Variants in CACNA1H observed in about 807,000 individuals in gnomAD.
The protein encoded by CACNA1H is calcium voltage-gated channel subunit alpha1 H.
CACNA1H carries 149 observed loss-of-function variants against 192.5 expected under a neutral mutation model. That is an observed-to-expected ratio of 0.77 (90% CI 0.68 to 0.89). CACNA1H has a LOEUF of 0.89. Ranked by LOEUF, CACNA1H falls within the 40% of genes least tolerant of loss-of-function variation. CACNA1H has a pLI of 0.00. For synonymous variants in CACNA1H, 2,202 were observed against 1,475.2 expected (o/e 1.49, Z -11.29); for missense variants, 4,257 against 3,423.5 (o/e 1.24, Z -6.08).
At chr16:1,191,482 T>A (rs1397553734) in intron 2 of CACNA1H, among the ~76,000 whole-genome samples, 1 of 67,378 alleles carries the variant, frequency 1.5e-5, no homozygotes, top group Non-Finnish European at 2.8e-5. Context: ...CCTGGCTGTG[T>A]GGCCTCAGGC....
rs183442837 is a variant in CACNA1H at position 1,221,344 on chromosome 16, C to T, written c.*350C>T. On this transcript the variant is annotated 3_prime_UTR_variant, in exon 35 of 35. Transcript: ENST00000348261. Reference sequence around the variant, plus strand: ...GTACCAGGTTGCGTCCTTTCAGGCCCCGCGTTGTTACAGGACACTCGCTGG... The same window carrying T: ...GTACCAGGTTGCGTCCTTTCAGGCCTCGCGTTGTTACAGGACACTCGCTGG... 96 of 346,972 alleles carry T rather than the reference C, an allele frequency of 2.8e-4. No homozygotes were observed. The highest frequency in any genetic ancestry group is 4.4e-4 in the Non-Finnish European group (85 of 191,892). 21.5% of individuals were successfully genotyped at this position (346,972 alleles called of 1,614,324 possible). A position where few individuals can be genotyped will look rare whatever the true frequency, so the allele number is the denominator to read the frequency against.
At chr16:1,215,179 A>C in intron 28 of CACNA1H, 63 bp from the exon 29 acceptor site, 1 of 1,580,912 alleles carries the variant, frequency 6.3e-7, no homozygotes, top group Non-Finnish European at 8.6e-7. Flanking sequence ...AGGTCTGCAG[A>C]AGCAACGCTG....
intron 2 of CACNA1H, among the ~76,000 whole-genome samples, chr16:1,164,768 CTGG>C (rs1178885273): frequency 1.3e-5 from 2 of 152,202 alleles, no homozygotes; most frequent in Admixed American, 1.3e-4. Context: ...GAGCTGGGGT[CTGG>C]TGGTGCTGCC....
At position 1,220,259 on chromosome 16, in the gene CACNA1H, C is replaced by T. The variant is rs777082647; in HGVS notation, c.6327C>T (p.Cys2109=). 52 of 1,586,506 alleles carry T rather than the reference C, an allele frequency of 3.3e-5. No individual in the cohort carries two copies. Among genetic ancestry groups the T allele is most frequent in the Non-Finnish European group, 4.3e-5 (50 of 1,172,654 alleles). ...EEVSHITSSA[C]PWQPTAEPHG... ...TCAGCCACATCACCAGCTCCGCCTG[C>T]CCCTGGCAGCCCACAGCCGAGCCCC... is the stretch of plus-strand genomic sequence containing the variant. Residue 2109 remains cysteine, a synonymous_variant, in exon 35 of 35, where the codon TGC becomes TGT. Coordinates refer to ENST00000348261, the MANE Select transcript of CACNA1H (RefSeq NM_021098.3).
In CACNA1H at chr16:1,218,602, C is replaced by T. The variant is rs1333412757; in HGVS notation, c.5838C>T (p.Arg1946=). 1.9e-6 allele frequency: 3 copies of T among 1,565,358 alleles called. No individual in the cohort carries two copies. Among genetic ancestry groups the T allele is most frequent in the South Asian group, 1.2e-5 (1 of 85,080 alleles). Residue 1946 remains arginine (R), a synonymous_variant, in exon 33 of 35, where the codon CGC becomes CGT. Transcript: ENST00000348261. The stretch of plus-strand genomic sequence containing the variant: ...TGCCTGCCTCGGCGCCCCACCCCCG[C>T]CCGCTGCAGGAGGTGGAGATGGAGA... ...PVVPASAPHP[R]PLQEVEMETY...
At chr16:1,197,894 G>C (rs907620854) in intron 5 of CACNA1H, among the ~76,000 whole-genome samples, 1 of 152,174 alleles carries the variant, frequency 6.6e-6, no homozygotes, top group Non-Finnish European at 1.5e-5. Context: ...GGCGCGTGGG[G>C]CTTGGCTGAC....
intron 2 of CACNA1H, among the ~76,000 whole-genome samples, chr16:1,163,286 G>A (rs759575172): frequency 1.3e-5 from 2 of 152,346 alleles, no homozygotes; most frequent in South Asian, 2.1e-4. Flanking sequence ...GGTGGGTGTC[G>A]GGCGTTGAGT....
chr16:1,182,753 T>A (rs1248493733), intron 2 of CACNA1H, among the ~76,000 whole-genome samples: 1 of 152,042 alleles, frequency 6.6e-6, no homozygotes, highest in Non-Finnish European at 1.5e-5. Context: ...CCAGGAGAGC[T>A]CGCAGCCCCC....
At chr16:1,154,255 C>T (rs951562635) in intron 2 of CACNA1H, among the ~76,000 whole-genome samples, 2 of 152,056 alleles carry the variant, frequency 1.3e-5, no homozygotes, top group Non-Finnish European at 2.9e-5. Context: ...GGACTCCCTT[C>T]CCCAGGGCCG....
chr16:1,200,440 G>T lies in CACNA1H; in HGVS notation c.988G>T (p.Val330Leu), dbSNP rs752653043. 3 of 1,611,124 alleles carry T rather than the reference G, an allele frequency of 1.9e-6. No individual in the cohort carries two copies. Among genetic ancestry groups the T allele is most frequent in the Non-Finnish European group, 2.5e-6 (3 of 1,179,590 alleles). ...CTACACGCAGCCGCAGGCCGAGGGG[G>T]TGGGCGCTGCACGCAACGCCTGCAT... ...EAYTQPQAEG[V>L]GAARNACINW... The change falls in exon 7 of 35, where the codon GTG becomes TTG. Residue 330 changes from valine (V) to leucine (L), a missense_variant. Coordinates refer to ENST00000348261, the MANE Select transcript of CACNA1H (RefSeq NM_021098.3).
In CACNA1H at chr16:1,195,850, C is replaced by T. The variant is rs544851523; in HGVS notation, c.546-76C>T. ...GCTGGCCGGTTCTATGCCTGCCCAC[C>T]CTACTTTGCACCCCAGCCCCACCCT... On this transcript the variant is annotated intron_variant, in intron 4 of 34. Coordinates refer to ENST00000348261, the MANE Select transcript of CACNA1H (RefSeq NM_021098.3). 1,558 of 1,172,910 alleles carry T rather than the reference C, an allele frequency of 1.3e-3. 8 individuals are homozygous for T. Among genetic ancestry groups the T allele is most frequent in the South Asian group, 4.5e-3 (366 of 82,118 alleles). 72.7% of individuals were successfully genotyped at this position (1,172,910 alleles called of 1,614,324 possible). A position where few individuals can be genotyped will look rare whatever the true frequency, so the allele number is the denominator to read the frequency against.
chr16:1,163,671 C>T (rs372092717), intron 2 of CACNA1H, among the ~76,000 whole-genome samples: 1 of 152,222 alleles, frequency 6.6e-6, no homozygotes, highest in South Asian at 2.1e-4. Flanking sequence ...GGAACTTGTC[C>T]CGGGCTGCTG....
intron 2 of CACNA1H, among the ~76,000 whole-genome samples, chr16:1,176,663 G>GC (rs1964921047): frequency 6.6e-6 from 1 of 152,222 alleles, no homozygotes; most frequent in South Asian, 2.1e-4. Flanking sequence ...GTAGCAGTGA[G>GC]CAGGGGGCTG....
At chr16:1,206,647 C>T (rs1037671337) in intron 12 of CACNA1H, 13 of 413,634 alleles carry the variant, frequency 3.1e-5, no homozygotes, top group East Asian at 1.4e-4. Flanking sequence ...GGGTCAGGGT[C>T]GGCTGGAGGC....
intron 2 of CACNA1H, among the ~76,000 whole-genome samples, chr16:1,166,507 A>T (rs1051551237): frequency 6.6e-6 from 1 of 152,122 alleles, no homozygotes; most frequent in African/African-American, 2.4e-5. Context: ...CTCGCCAATG[A>T]AGGGTCCAAT....
chr16:1,205,659 C>T (rs1292991324), intron 11 of CACNA1H, among the ~76,000 whole-genome samples: 1 of 152,206 alleles, frequency 6.6e-6, no homozygotes, highest in African/African-American at 2.4e-5. Flanking sequence ...AAAATTAAAC[C>T]AGAAAGGATT....
At chr16:1,198,032 G>C (rs1967202272) in intron 5 of CACNA1H, among the ~76,000 whole-genome samples, 1 of 152,148 alleles carries the variant, frequency 6.6e-6, no homozygotes, top group Admixed American at 6.5e-5. Context: ...CTGAGATGGG[G>C]CTCTGTTCTG....
At chr16:1,166,224 G>A (rs1383266310) in intron 2 of CACNA1H, among the ~76,000 whole-genome samples, 3 of 152,236 alleles carry the variant, frequency 2.0e-5, no homozygotes, top group Non-Finnish European at 4.4e-5. Flanking sequence ...GTGTCCACGA[G>A]CAAATCCTTT....
At chr16:1,164,599 C>T (rs567537459) in intron 2 of CACNA1H, among the ~76,000 whole-genome samples, 1 of 152,352 alleles carries the variant, frequency 6.6e-6, no homozygotes, top group East Asian at 1.9e-4. Flanking sequence ...GGACCCCGGG[C>T]GGTGCCGAGC....
Sources: gnomAD v4.1 joint callset for allele counts (sites outside exome capture counted in the v4.1 genomes callset) on GRCh38, gnomAD v4.1.1 for gene constraint, MANE v1.5 for transcripts, NCBI Gene and HGNC (gene_info 2026-07-23, HGNC 2026-07-21) for gene names.